CLTCL1: variants seen among roughly 807,000 people sequenced by gnomAD.
CLTCL1 encodes clathrin heavy chain 2.
CLTCL1 carries 159 observed loss-of-function variants against 190.0 expected under a neutral mutation model. That is an observed-to-expected ratio of 0.84 (90% CI 0.74 to 0.95). CLTCL1 has a LOEUF of 0.95. Among genes scored for constraint, CLTCL1 ranks in the 40% least tolerant of loss-of-function variants. The pLI, the probability that CLTCL1 is intolerant of heterozygous loss-of-function variation, is 0.00. For missense variants in CLTCL1, 1,878 were observed against 2,033.4 expected (o/e 0.92, Z 1.47); for synonymous variants, 752 against 769.6 (o/e 0.98, Z 0.38).
intron 26 of CLTCL1, among the ~76,000 whole-genome samples, chr22:19,194,797 TG>T: frequency 6.6e-6 from 1 of 152,216 alleles, no homozygotes; most frequent in Non-Finnish European, 1.5e-5. Flanking sequence ...TATGGCTAAG[TG>T]GATTCCTGCT....
Position 19,199,761 on chromosome 22 carries a change from C to T in CLTCL1, c.3846G>A (p.Glu1282=). The T allele has an allele frequency of 6.3e-7, 1 of 1,592,946 alleles. No individual in the cohort carries two copies. The highest frequency in any genetic ancestry group is 8.5e-7 in the Non-Finnish European group (1 of 1,169,964). The change falls in exon 24 of 33, where the codon GAG becomes GAA. Residue 1282 remains glutamate, a synonymous_variant. Coordinates refer to ENST00000427926, the MANE Select transcript of CLTCL1 (RefSeq NM_007098.4). ...GGTAATAGCACATCAGCTCCTCCAG[C>T]TCATCTGCATGAATGACGATGTGAA... ...CGLHIVIHAD[E]LEELMCYYQD...
At chr22:19,252,980 C>T (rs1555970818) in intron 3 of CLTCL1, among the ~76,000 whole-genome samples, 1 of 145,090 alleles carries the variant, frequency 6.9e-6, no homozygotes, top group African/African-American at 2.6e-5. Context: ...CGCCACTGCA[C>T]TCCAGCTTGG....
At chr22:19,184,391 C>T (rs1478059414) in intron 29 of CLTCL1, 1 of 444,318 alleles carries the variant, frequency 2.3e-6, no homozygotes, top group Non-Finnish European at 4.5e-6. Flanking sequence ...GCCTGCAGCA[C>T]ACACCTCTGA....
At chr22:19,212,994 T>C (rs2085281276) in intron 19 of CLTCL1, among the ~76,000 whole-genome samples, 1 of 152,170 alleles carries the variant, frequency 6.6e-6, no homozygotes, top group Admixed American at 6.5e-5. Context: ...TTATCAAAAT[T>C]ATAACTTTTG....
chr22:19,276,963 C>T (rs774582152), intron 1 of CLTCL1, among the ~76,000 whole-genome samples: 6 of 152,142 alleles, frequency 3.9e-5, no homozygotes, highest in Non-Finnish European at 8.8e-5. Flanking sequence ...TGAGCCACCG[C>T]GTCTGGTCGA....
At chr22:19,271,606 C>G (rs1246801839) in intron 2 of CLTCL1, among the ~76,000 whole-genome samples, 1 of 152,140 alleles carries the variant, frequency 6.6e-6, no homozygotes, top group African/African-American at 2.4e-5. Flanking sequence ...AACTGTGAGT[C>G]AATTCAACCT....
chr22:19,183,071 T>C (rs1601421392), intron 30 of CLTCL1: 4 of 324,904 alleles, frequency 1.2e-5, no homozygotes, highest in East Asian at 1.3e-4. Context: ...TGTCACCTTG[T>C]TGAAGTCCAG....
chr22:19,283,470 A>G (rs2087795936), intron 1 of CLTCL1, among the ~76,000 whole-genome samples: 1 of 149,756 alleles, frequency 6.7e-6, no homozygotes, highest in Non-Finnish European at 1.5e-5. Flanking sequence ...TAGTAGAGAC[A>G]GGGTTTTGCC....
At chr22:19,194,631 G>A (rs1034985351) in intron 26 of CLTCL1, among the ~76,000 whole-genome samples, 2 of 152,198 alleles carry the variant, frequency 1.3e-5, no homozygotes, top group Admixed American at 1.3e-4. Context: ...CCACTTGGTC[G>A]GGAGGAAACA....
chr22:19,206,624 T>TG (rs1333340550), intron 22 of CLTCL1, among the ~76,000 whole-genome samples: 2 of 152,028 alleles, frequency 1.3e-5, no homozygotes, highest in African/African-American at 4.8e-5. Context: ...TTTTTAGAGA[T>TG]GGGGGTCTCA....
rs530255046 is a variant in CLTCL1, at chr22:19,196,801, C to T, written c.3874-145G>A. On this transcript the variant is annotated intron_variant, in intron 24 of 32. Coordinates refer to ENST00000427926, the MANE Select transcript of CLTCL1 (RefSeq NM_007098.4). Reference sequence around the variant, plus strand: ...TGTGTGAAGAAAACGTGTATACATACTGTGCTACAGATCATGCCATTTACT... The same window carrying T: ...TGTGTGAAGAAAACGTGTATACATATTGTGCTACAGATCATGCCATTTACT... 334 of 871,740 alleles carry T rather than the reference C, an allele frequency of 3.8e-4. 5 individuals are homozygous for T. In the South Asian group the frequency reaches 5.5e-3, roughly 14 times the overall value. The allele number at this position is 871,740 out of a possible 1,614,324, so 54.0% of individuals were successfully genotyped here.
At chr22:19,184,372 C>A in intron 29 of CLTCL1, 1 of 424,612 alleles carries the variant, frequency 2.4e-6, no homozygotes, top group Non-Finnish European at 4.8e-6. Context: ...GCTCTGCATG[C>A]CTGCCATCGC....
chr22:19,206,346 G>C (rs1436361476), intron 22 of CLTCL1, among the ~76,000 whole-genome samples: 2 of 152,158 alleles, frequency 1.3e-5, no homozygotes, highest in African/African-American at 4.8e-5. Flanking sequence ...GGGCTCAGGT[G>C]ATCTTCCCAC....
At chr22:19,276,866 G>C (rs1340202774) in intron 1 of CLTCL1, among the ~76,000 whole-genome samples, 3 of 151,998 alleles carry the variant, frequency 2.0e-5, no homozygotes, top group Admixed American at 1.3e-4. Context: ...TAGAGACGGG[G>C]TTTCACCGTG....
Position 19,232,543 on chromosome 22 carries a change from G to A in CLTCL1, c.1577C>T (p.Pro526Leu), listed in dbSNP as rs782321865. The change falls in exon 10 of 33, where the codon CCG becomes CTG. Residue 526 changes from proline to leucine, a missense_variant. Transcript: ENST00000427926. ...TCGAGAAAACTGCAGGCCCTGTTCCGGACTGATCTTCATTACACCCCTCAG... is the reference window on the plus strand; with the variant it reads ...TCGAGAAAACTGCAGGCCCTGTTCCAGACTGATCTTCATTACACCCCTCAG... The part of the protein sequence containing the change: ...FLLRGVMKIS[P>L]EQGLQFSRML... 1.5e-5 allele frequency: 24 copies of A among 1,613,738 alleles called. No homozygotes were observed. The highest frequency in any genetic ancestry group is 6.7e-5 in the Admixed American group (4 of 59,988).
chr22:19,217,527 A>C (rs1180738083), intron 18 of CLTCL1, among the ~76,000 whole-genome samples: 3 of 150,696 alleles, frequency 2.0e-5, no homozygotes, highest in African/African-American at 4.9e-5. Context: ...GAGGCAGAAG[A>C]ATGGCGGGAA....
At chr22:19,195,436 A>G (rs2084665435) in intron 26 of CLTCL1, among the ~76,000 whole-genome samples, 1 of 152,216 alleles carries the variant, frequency 6.6e-6, no homozygotes, top group South Asian at 2.1e-4. Context: ...CTGGCAGCAC[A>G]CGTGCCACTC....
At chr22:19,215,032 T>C (rs1555948817) in intron 19 of CLTCL1, among the ~76,000 whole-genome samples, 1 of 152,182 alleles carries the variant, frequency 6.6e-6, no homozygotes, top group East Asian at 1.9e-4. Flanking sequence ...TGAGGTTACC[T>C]GCATGTTTGA....
In CLTCL1 at chr22:19,225,583, A is replaced by G. The variant is rs2145805902; in HGVS notation, c.1998T>C (p.Cys666=). ...TGTTAGCAGACAGCATGGCATGCAG[A>G]CACTCCACAGAATCCTCCACCGATA... ...GSLSVEDSVE[C]LHAMLSANIR... is the part of the protein sequence containing the mutation. Residue 666 remains cysteine, a synonymous_variant, in exon 13 of 33, where the codon TGT becomes TGC. Transcript: ENST00000427926. 6.3e-7 allele frequency: 1 copy of G among 1,579,410 alleles called. No individual in the cohort carries two copies. Among genetic ancestry groups the G allele is most frequent in the Middle Eastern group, 1.7e-4 (1 of 6,022 alleles).
Sources: gnomAD v4.1 joint callset for allele counts (sites outside exome capture counted in the v4.1 genomes callset) on GRCh38, gnomAD v4.1.1 for gene constraint, MANE v1.5 for transcripts, NCBI Gene and HGNC (gene_info 2026-07-23, HGNC 2026-07-21) for gene names.